COL3A1: variants seen among roughly 807,000 people sequenced by gnomAD.
COL3A1 encodes collagen type III alpha 1 chain.
A neutral mutation model predicts 200.9 loss-of-function variants in COL3A1; 46 were observed. The observed-to-expected ratio is 0.23, with a 90% CI of 0.18 to 0.29. The LOEUF (loss-of-function observed/expected upper bound fraction) is 0.29. Ranked by LOEUF, COL3A1 falls within the 10% of genes least tolerant of loss-of-function variation. COL3A1 has a pLI of 1.00. For missense variants in COL3A1, 1,367 were observed against 1,917.6 expected (o/e 0.71, Z 5.36); for synonymous variants, 650 against 628.0 (o/e 1.03, Z -0.52).
chr2:189,002,962 A>G lies in COL3A1; in HGVS notation c.2453A>G (p.Asn818Ser). The change falls in exon 36 of 51, where the codon AAT becomes AGT. Residue 818 changes from asparagine (N) to serine (S), a missense_variant. Coordinates refer to ENST00000304636, the MANE Select transcript of COL3A1 (RefSeq NM_000090.4). ...TGTTGTTGTTGCATGTAGGGACAGA[A>G]TGGTGAACCTGGTGGTAAAGGAGAA... ...PAGFPGAPGQ[N>S]GEPGGKGERG... 6.4e-7 allele frequency: 1 copy of G among 1,551,438 alleles called. No individual in the cohort carries two copies. The highest frequency in any genetic ancestry group is 8.7e-7 in the Non-Finnish European group (1 of 1,146,756).
intron 1 of COL3A1, among the ~76,000 whole-genome samples, chr2:188,974,972 T>C (rs1687776933): frequency 6.6e-6 from 1 of 152,210 alleles, no homozygotes; most frequent in Non-Finnish European, 1.5e-5. Context: ...GGTTAGAATA[T>C]TGAGCATTGT....
At chr2:188,974,630 A>T in intron 1 of COL3A1, 62 bp downstream of exon 1, 5 of 1,259,490 alleles carry the variant, frequency 4.0e-6, no homozygotes, top group Non-Finnish European at 4.7e-6. Flanking sequence ...CCTCACAAAG[A>T]GGGGTGTAAA....
In COL3A1 at chr2:189,010,854, C is replaced by G. The variant is rs1482383187; in HGVS notation, c.4218C>G (p.Ser1406Arg). The G allele has an allele frequency of 6.2e-7, 1 of 1,614,104 alleles. No individual in the cohort carries two copies. The highest frequency in any genetic ancestry group is 1.7e-5 in the Admixed American group (1 of 60,022). The change falls in exon 50 of 51, where the codon AGC becomes AGG. Residue 1406 changes from serine (S) to arginine (R), a missense_variant. Physicochemically the swap from Ser to Arg is moderately radical, Grantham distance 110. Coordinates refer to ENST00000304636, the MANE Select transcript of COL3A1 (RefSeq NM_000090.4). ...NEGEFKAEGN[S>R]KFTYTVLEDG... The stretch of plus-strand genomic sequence containing the variant: ...GTGAATTCAAGGCTGAAGGAAATAG[C>G]AAATTCACCTACACAGTTCTGGAGG...
chr2:188,992,016 G>A (rs764949845), intron 13 of COL3A1, among the ~76,000 whole-genome samples, 168 bp from the exon 14 acceptor site: 5 of 152,066 alleles, frequency 3.3e-5, no homozygotes, highest in African/African-American at 4.8e-5. Flanking sequence ...GATTGTTGCT[G>A]TATATATCAG....
At chr2:189,010,090 A>T in intron 48 of COL3A1, 88 bp from the exon 49 acceptor site, 1 of 1,284,990 alleles carries the variant, frequency 7.8e-7, no homozygotes, top group Non-Finnish European at 1.1e-6. Context: ...AGCAGTCAAC[A>T]TTATGAATGC....
In COL3A1 at chr2:189,007,911, C is replaced by A. The variant is rs148918486; in HGVS notation, c.3390C>A (p.Ile1130=). 41 of 1,614,104 alleles carry A rather than the reference C, an allele frequency of 2.5e-5. No homozygotes were observed. Among genetic ancestry groups the A allele is most frequent in the Non-Finnish European group, 3.4e-5 (40 of 1,180,018 alleles). ...GCCCTGCTGGTCAGCAGGGTGCAAT[C>A]GGCAGTCCAGGACCTGCAGGCCCCA... ...SPGPAGQQGA[I]GSPGPAGPRG... is the part of the protein sequence containing the mutation. Residue 1130 remains isoleucine (I), a synonymous_variant, in exon 46 of 51, where the codon ATC becomes ATA. Coordinates refer to ENST00000304636, the MANE Select transcript of COL3A1 (RefSeq NM_000090.4).
chr2:188,995,725 G>A lies in COL3A1; in HGVS notation c.1543G>A (p.Ala515Thr), dbSNP rs937534609. 1 of 1,563,882 alleles carries A rather than the reference G, an allele frequency of 6.4e-7. No individual in the cohort carries two copies. Among genetic ancestry groups the A allele is most frequent in the Non-Finnish European group, 8.7e-7 (1 of 1,153,610 alleles). The change falls in exon 22 of 51, where the codon GCA (alanine) becomes ACA (threonine). Residue 515 changes from alanine to threonine, a missense_variant. Physicochemically the swap from Ala to Thr is moderately conservative, Grantham distance 58. Transcript: ENST00000304636. ...TGGAGAGCGTGGTGCTCCAGGCCCT[G>A]CAGGGCCCAGAGGAGCTGCTGGAGA... Reference protein sequence around the residue: ...PAGERGAPGPAGPRGAAGEPG... With the variant: ...PAGERGAPGPTGPRGAAGEPG...
rs1333421028 is a variant in COL3A1 at position 188,990,129 on chromosome 2, C to G, written c.724C>G (p.Arg242Gly). ...ESGRPGRPGE[R>G]GLPGPPGIKG... Reference sequence around the variant, plus strand: ...AGGTAGACCCGGACGACCTGGAGAGCGAGGATTGCCTGGACCTCCAGTGAG... The same window carrying G: ...AGGTAGACCCGGACGACCTGGAGAGGGAGGATTGCCTGGACCTCCAGTGAG... Residue 242 changes from arginine to glycine, a missense_variant, in exon 9 of 51, where the codon CGA becomes GGA. Around this residue, in one of 5 missense-constraint regions of COL3A1, gnomAD observed 462 missense variants for 681.4 expected, o/e 0.68. Transcript: ENST00000304636. 3 of 1,613,634 alleles carry G rather than the reference C, an allele frequency of 1.9e-6. No individual in the cohort carries two copies. Among genetic ancestry groups the G allele is most frequent in the Non-Finnish European group, 2.5e-6 (3 of 1,179,714 alleles).
At chr2:188,975,520 G>A (rs1418089771) in intron 1 of COL3A1, among the ~76,000 whole-genome samples, 1 of 152,152 alleles carries the variant, frequency 6.6e-6, no homozygotes, top group Non-Finnish European at 1.5e-5. Context: ...AGTGCTAAAT[G>A]TAAAGATAGC....
At chr2:188,997,094 A>G (rs976047705) in intron 24 of COL3A1, 71 bp from the exon 25 acceptor site, 1 of 1,059,130 alleles carries the variant, frequency 9.4e-7, no homozygotes, top group Non-Finnish European at 1.4e-6. Context: ...TGAGACATAT[A>G]TATATGAGAC....
rs372900736 is a variant in COL3A1, at chr2:188,987,054, C to T, written c.448-5C>T. On this transcript the variant is annotated splice_region_variant and splice_polypyrimidine_tract_variant and intron_variant, in intron 4 of 50. Transcript: ENST00000304636. ...TGATCATATCTATTTGTCTCCTTGC[C>T]ACAGAACTATTCTCCCCAGTATGAT... 2.5e-6 allele frequency: 4 copies of T among 1,610,814 alleles called. No homozygotes were observed. Among genetic ancestry groups the T allele is most frequent in the African/African-American group, 1.3e-5 (1 of 74,806 alleles).
At chr2:189,002,399 A>T in intron 35 of COL3A1, 48 bp downstream of exon 35, 1 of 1,551,454 alleles carries the variant, frequency 6.4e-7, no homozygotes, top group Non-Finnish European at 8.9e-7. Flanking sequence ...CAGGATCTCT[A>T]TCTTGCTGAA....
intron 40 of COL3A1, among the ~76,000 whole-genome samples, chr2:189,004,806 G>A (rs1311636196): frequency 6.6e-6 from 1 of 152,086 alleles, no homozygotes; most frequent in Non-Finnish European, 1.5e-5. Flanking sequence ...CTAGTGCTTA[G>A]CATCTAAAAC....
chr2:188,986,698 T>G (rs985459860), intron 4 of COL3A1, among the ~76,000 whole-genome samples: 1 of 152,064 alleles, frequency 6.6e-6, no homozygotes, highest in Non-Finnish European at 1.5e-5. Flanking sequence ...GAAGGTGTAT[T>G]ATATGATCTC....
chr2:188,982,467 T>C (rs1388846981), intron 1 of COL3A1, among the ~76,000 whole-genome samples: 1 of 151,778 alleles, frequency 6.6e-6, no homozygotes, highest in African/African-American at 2.4e-5. Flanking sequence ...TTTATGTTAA[T>C]TTCTAGGCAG....
chr2:188,994,237 C>G lies in COL3A1; in HGVS notation c.1198C>G (p.Pro400Ala). Residue 400 changes from proline (P) to alanine (A), a missense_variant, in exon 18 of 51, where the codon CCC (proline) becomes GCC (alanine). Transcript: ENST00000304636. The surrounding 1 kb of genome is among the most constrained non-coding windows in gnomAD (Gnocchi z 4.5). Reference sequence around the variant, plus strand: ...AGTGTCTTTGGTTTGTTCTTAGGGTCCCGCTGGCATTCCTGGAGCTCCTGG... The same window carrying G: ...AGTGTCTTTGGTTTGTTCTTAGGGTGCCGCTGGCATTCCTGGAGCTCCTGG... ...GSPGGKGEMG[P>A]AGIPGAPGLM... The G allele has an allele frequency of 6.2e-7, 1 of 1,614,024 alleles. No homozygotes were observed. The highest frequency in any genetic ancestry group is 8.5e-7 in the Non-Finnish European group (1 of 1,179,956).
At chr2:189,002,268 T>C (rs368231442) in intron 34 of COL3A1, 30 bp from the exon 35 acceptor site, 4 of 1,594,644 alleles carry the variant, frequency 2.5e-6, no homozygotes, top group Admixed American at 1.7e-5. Flanking sequence ...CACACTTCAC[T>C]GTGACTAAGG....
rs1220658188 is a variant in COL3A1 at position 189,004,279 on chromosome 2, T to C, written c.2846T>C (p.Ile949Thr). The C allele has an allele frequency of 1.2e-6, 2 of 1,606,806 alleles. No individual in the cohort carries two copies. The highest frequency in any genetic ancestry group is 3.4e-5 in the Admixed American group (2 of 59,130). The change falls in exon 40 of 51, where the codon ATT becomes ACT. Residue 949 changes from isoleucine (I) to threonine (T), a missense_variant. Transcript: ENST00000304636. ...GPPGAPGPLG[I>T]AGITGARGLA... ...TAGGGAGCTCCAGGCCCACTTGGGATTGCTGGGATCACTGGAGCACGGGGT... is the reference window on the plus strand; with the variant it reads ...TAGGGAGCTCCAGGCCCACTTGGGACTGCTGGGATCACTGGAGCACGGGGT...
Position 188,991,477 on chromosome 2 carries a change from A to G in COL3A1, c.853-10A>G. On this transcript the variant is annotated splice_polypyrimidine_tract_variant and intron_variant, in intron 11 of 50. Transcript: ENST00000304636. Reference sequence around the variant, plus strand: ...TTTGTAAAATAGTAACATATTTTATATGTATCTAGGGTGAAAATGGTCTTC... The same window carrying G: ...TTTGTAAAATAGTAACATATTTTATGTGTATCTAGGGTGAAAATGGTCTTC... 2 of 1,573,212 alleles carry G rather than the reference A, an allele frequency of 1.3e-6. No individual in the cohort carries two copies. The highest frequency in any genetic ancestry group is 1.1e-5 in the South Asian group (1 of 87,824).
Sources: gnomAD v4.1 joint callset for allele counts (sites outside exome capture counted in the v4.1 genomes callset) on GRCh38, gnomAD v4.1.1 for gene constraint, gnomAD v4.1.1 regional missense constraint, Gnocchi (gnomAD v3.1) non-coding constraint, MANE v1.5 for transcripts, NCBI Gene and HGNC (gene_info 2026-07-23, HGNC 2026-07-21) for gene names.